The following SGPL1 variants were observed in gnomAD, a reference collection of about 807,000 sequenced individuals.
SGPL1 encodes the protein SP-lyase 1.
A neutral mutation model predicts 68.9 loss-of-function variants in SGPL1; 37 were observed. The ratio of observed to expected loss-of-function variants is 0.54; its 90% CI spans 0.41 to 0.71. The LOEUF is 0.71. Ranked by LOEUF, SGPL1 falls within the 30% of genes least tolerant of loss-of-function variation. The pLI is 0.00. For missense variants in SGPL1, 551 were observed against 704.6 expected (o/e 0.78, Z 2.47); for synonymous variants, 236 against 248.5 (o/e 0.95, Z 0.47).
At chr10:70,840,362 C>T (rs940110384) in intron 2 of SGPL1, among the ~76,000 whole-genome samples, 3 of 151,998 alleles carry the variant, frequency 2.0e-5, no homozygotes, top group African/African-American at 4.8e-5. Context: ...CTGTGCTTCC[C>T]AAGGGCTAGA....
rs551871025 is a variant in SGPL1, at chr10:70,879,457, G to GT, written c.*2123dup. On this transcript the variant is annotated 3_prime_UTR_variant, in exon 15 of 15. Transcript: ENST00000373202. ...TGGGTTCCAAGAGTGGGTAGTGTGT[G>GT]TATGTGTGTGTGTCAGAGGGAGACC... The GT allele has an allele frequency of 6.2e-3, 947 of 153,520 alleles. 10 individuals are homozygous for GT. The highest frequency in any genetic ancestry group is 9.6e-3 in the Non-Finnish European group (660 of 69,052). 9.5% of individuals were successfully genotyped at this position (153,520 alleles called of 1,614,324 possible).
chr10:70,869,880 A>T lies in SGPL1; in HGVS notation c.793A>T (p.Met265Leu). Residue 265 changes from methionine (M) to leucine (L), a missense_variant, in exon 9 of 15, where the codon ATG becomes TTG. By Grantham distance (15) the Met-to-Leu change is conservative. Transcript: ENST00000373202. ...TGTGCGGGTCCCATTGACGAAGATG[A>T]TGGAGGTGGATGTGCGGGTGAGTCC... ...KIVRVPLTKMMEVDVRAMRRA... is the reference protein window; with the variant it reads ...KIVRVPLTKMLEVDVRAMRRA... The T allele has an allele frequency of 6.2e-7, 1 of 1,613,904 alleles. No homozygotes were observed. Among genetic ancestry groups the T allele is most frequent in the East Asian group, 2.2e-5 (1 of 44,852 alleles).
At chr10:70,846,589 G>A (rs954157302) in intron 3 of SGPL1, among the ~76,000 whole-genome samples, 4 of 152,106 alleles carry the variant, frequency 2.6e-5, no homozygotes, top group Middle Eastern at 3.4e-3. Context: ...AATAATAACT[G>A]CCCATTACTC....
chr10:70,862,713 T>G (rs1013372434), intron 7 of SGPL1, among the ~76,000 whole-genome samples: 3 of 151,354 alleles, frequency 2.0e-5, no homozygotes, highest in African/African-American at 7.3e-5. Context: ...TAACACTCAC[T>G]GTGAAGGTCT....
chr10:70,868,461 T>G (rs766544452), intron 8 of SGPL1, 28 bp downstream of exon 8: 1 of 1,574,170 alleles, frequency 6.4e-7, no homozygotes, highest in Non-Finnish European at 8.7e-7. Context: ...TTTTGTCCCC[T>G]TTTGGATTTG....
intron 2 of SGPL1, among the ~76,000 whole-genome samples, chr10:70,826,843 A>G (rs748652397): frequency 6.6e-6 from 1 of 152,064 alleles, no homozygotes; most frequent in Non-Finnish European, 1.5e-5. Flanking sequence ...GATCCATGTT[A>G]TTGCATGTAG....
intron 2 of SGPL1, among the ~76,000 whole-genome samples, chr10:70,821,438 T>C (rs1165562404): frequency 6.6e-6 from 1 of 152,242 alleles, no homozygotes; most frequent in Non-Finnish European, 1.5e-5. Flanking sequence ...TTAGCTGATA[T>C]TCATAGATGA....
intron 1 of SGPL1, 73 bp from the exon 2 acceptor site, chr10:70,816,738 T>C (rs1308228307): frequency 1.9e-6 from 2 of 1,034,938 alleles, no homozygotes; most frequent in African/African-American, 3.1e-5. Flanking sequence ...ACTTGGCTGC[T>C]CTGGCGAATC....
chr10:70,832,400 G>A (rs1304110257), intron 2 of SGPL1, among the ~76,000 whole-genome samples: 1 of 152,156 alleles, frequency 6.6e-6, no homozygotes, highest in Non-Finnish European at 1.5e-5. Context: ...CATGACTGTT[G>A]TAGGGAAGGA....
chr10:70,859,417 T>C lies in SGPL1; in HGVS notation c.533T>C (p.Phe178Ser). 1 of 1,563,764 alleles carries C rather than the reference T, an allele frequency of 6.4e-7. No individual in the cohort carries two copies. The highest frequency in any genetic ancestry group is 8.7e-7 in the Non-Finnish European group (1 of 1,155,868). ...AGTAACCCCCTGCATCCAGATATCTTCCCAGGACTACGCAAGATAGAGGCA... is the reference window on the plus strand; with the variant it reads ...AGTAACCCCCTGCATCCAGATATCTCCCCAGGACTACGCAAGATAGAGGCA... ...AWSNPLHPDI[F>S]PGLRKIEAEI... Residue 178 changes from phenylalanine (F) to serine (S), a missense_variant, in exon 7 of 15, where the codon TTC becomes TCC. Transcript: ENST00000373202.
intron 6 of SGPL1, 117 bp from the exon 7 acceptor site, chr10:70,859,254 T>C: frequency 1.5e-6 from 1 of 662,440 alleles, no homozygotes; most frequent in Admixed American, 4.9e-5. Context: ...ATATCTTATC[T>C]TTTTTTCCAG....
chr10:70,817,643 C>T (rs918753177), intron 2 of SGPL1, among the ~76,000 whole-genome samples: 1 of 152,124 alleles, frequency 6.6e-6, no homozygotes, highest in Non-Finnish European at 1.5e-5. Context: ...CCTCCCTTCC[C>T]GTACTACCAG....
At position 70,871,044 on chromosome 10, in the gene SGPL1, C is replaced by G. The variant is rs1276031821; in HGVS notation, c.811-4C>G. ...TCATTTTCCTTTAAACTTTAAATCC[C>G]TAGGCAATGAGAAGAGCTATCTCCA... On this transcript the variant is annotated splice_region_variant and splice_polypyrimidine_tract_variant and intron_variant, in intron 9 of 14. Coordinates refer to ENST00000373202, the MANE Select transcript of SGPL1 (RefSeq NM_003901.4). 4 of 1,608,982 alleles carry G rather than the reference C, an allele frequency of 2.5e-6. No individual in the cohort carries two copies. In the Admixed American group the frequency reaches 5.0e-5, roughly 20 times the overall value.
Position 70,875,568 on chromosome 10 carries a change from T to C in SGPL1, c.1445+20T>C. 1 of 1,589,400 alleles carries C rather than the reference T, an allele frequency of 6.3e-7. No individual in the cohort carries two copies. The highest frequency in any genetic ancestry group is 8.6e-7 in the Non-Finnish European group (1 of 1,166,818). On this transcript the variant is annotated intron_variant, in intron 13 of 14. Transcript: ENST00000373202. ...ACCCAGGTAAGCTTGAAGAAGCCTCTTTCCCTTATTTTGCTCCATGATTTT... is the reference window on the plus strand; with the variant it reads ...ACCCAGGTAAGCTTGAAGAAGCCTCCTTCCCTTATTTTGCTCCATGATTTT...
chr10:70,843,075 T>G (rs1845740874), intron 2 of SGPL1, among the ~76,000 whole-genome samples: 2 of 152,242 alleles, frequency 1.3e-5, no homozygotes, highest in African/African-American at 2.4e-5. Context: ...TTTTTCCTTT[T>G]AACTTTTCTA....
At chr10:70,864,816 C>T (rs1846150319) in intron 7 of SGPL1, among the ~76,000 whole-genome samples, 1 of 152,196 alleles carries the variant, frequency 6.6e-6, no homozygotes, top group African/African-American at 2.4e-5. Flanking sequence ...GACCATTTGG[C>T]TGGGGACAAA....
rs369761340 is a variant in SGPL1, at chr10:70,839,645, G to C, written c.28-4828G>C. On this transcript the variant is annotated intron_variant, in intron 2 of 14. Transcript: ENST00000373202. ...CATTCATAGTTCATATATTTCCAGA[G>C]ACACAATACATTGATAAAATTGAAA... 2.5e-4 allele frequency among the ~76,000 whole-genome samples: 38 copies of C among 152,094 alleles called. No individual in the cohort carries two copies. The East Asian group carries it at 6.8e-3, about 27-fold the overall frequency.
intron 14 of SGPL1, 125 bp downstream of exon 14, chr10:70,876,786 G>C (rs1419488043): frequency 1.2e-6 from 1 of 850,450 alleles, no homozygotes; most frequent in African/African-American, 1.7e-5. Flanking sequence ...TCTTTTATTT[G>C]TTGACTGGAG....
intron 2 of SGPL1, among the ~76,000 whole-genome samples, chr10:70,817,204 G>A (rs1389006154): frequency 6.6e-6 from 1 of 152,110 alleles, no homozygotes; most frequent in Non-Finnish European, 1.5e-5. Context: ...ATTTTTAGTA[G>A]AGACGGGGTT....
Sources: gnomAD v4.1 joint callset for allele counts (sites outside exome capture counted in the v4.1 genomes callset) on GRCh38, gnomAD v4.1.1 for gene constraint, MANE v1.5 for transcripts, NCBI Gene and HGNC (gene_info 2026-07-23, HGNC 2026-07-21) for gene names.